Variants in TRMT44 observed in about 807,000 individuals in gnomAD.
The protein encoded by TRMT44 is tRNA methyltransferase 44 homolog, also known as probable tRNA (uracil-O(2)-)-methyltransferase.
In TRMT44, 78 loss-of-function variants were observed where a neutral mutation model predicts 77.3. The observed-to-expected ratio is 1.01, with a 90% CI of 0.84 to 1.22. The LOEUF is 1.22. Among genes scored for constraint, TRMT44 ranks in the 50% most tolerant of loss-of-function variants. The pLI is 0.00. For missense variants in TRMT44, 1,090 were observed against 964.4 expected, an observed-to-expected ratio of 1.13 and a Z score of -1.73; for synonymous variants, 391 against 383.3, an observed-to-expected ratio of 1.02 and a Z score of -0.23.
At chr4:8,488,681 T>C (rs1018050759) in intron 2 of TRMT44, among the ~76,000 whole-genome samples, 1 of 152,236 alleles carries the variant, frequency 6.6e-6, no homozygotes, top group Non-Finnish European at 1.5e-5. Context: ...GGGGATGCGA[T>C]GGCTTGGCTT....
chr4:8,508,019 GC>G, the TRMT44 span, among the ~76,000 whole-genome samples: 1 of 152,220 alleles, frequency 6.6e-6, no homozygotes. Context: ...TGATTCTCCT[GC>G]CTCAGCCTCC....
chr4:8,510,402 C>G, the TRMT44 span: 1 of 152,832 alleles, frequency 6.5e-6, no homozygotes, highest in Admixed American at 6.5e-5. Flanking sequence ...ACTGAAGGCC[C>G]CTGTGATCAC....
intron 2 of TRMT44, among the ~76,000 whole-genome samples, chr4:8,447,394 A>G (rs1725121278): frequency 6.6e-6 from 1 of 152,252 alleles, no homozygotes; most frequent in Non-Finnish European, 1.5e-5. Context: ...ATGACTTGTC[A>G]GCTGATATTT....
chr4:8,485,967 A>G (rs1727790659), intron 2 of TRMT44, among the ~76,000 whole-genome samples: 1 of 152,178 alleles, frequency 6.6e-6, no homozygotes, highest in Non-Finnish European at 1.5e-5. Context: ...CTTACCCTCC[A>G]CTGTGAGAGT....
At chr4:8,493,397 C>T (rs775043269) in exon 3 of TRMT44, 6 of 152,158 alleles carry the variant, frequency 3.9e-5, no homozygotes, top group East Asian at 1.9e-4. Flanking sequence ...ATCTTGGACC[C>T]GACCAATCAG....
chr4:8,471,175 C>A lies in TRMT44; in HGVS notation c.2019C>A (p.Leu673=). The change falls in exon 10 of 11, where the codon CTC becomes CTA. Residue 673 remains leucine (L), a synonymous_variant. Transcript: ENST00000389737. ...AGTGTGGGGGCCTGCAGACGCTGCT[C>A]CGGAACAGCCACCAGGTGTTCCAAG... ...KRECGGLQTL[L]RNSHQVFQVV... is the part of the protein sequence containing the mutation. 1 of 1,604,890 alleles carries A rather than the reference C, an allele frequency of 6.2e-7. No homozygotes were observed. The highest frequency in any genetic ancestry group is 1.1e-5 in the South Asian group (1 of 89,880).
chr4:8,456,034 T>C (rs1725788917), intron 6 of TRMT44, among the ~76,000 whole-genome samples: 1 of 152,250 alleles, frequency 6.6e-6, no homozygotes, highest in Non-Finnish European at 1.5e-5. Context: ...AAATCTATTA[T>C]AAGAAGTTAA....
the TRMT44 span, among the ~76,000 whole-genome samples, chr4:8,516,024 G>A: frequency 2.6e-5 from 4 of 152,132 alleles, no homozygotes; most frequent in South Asian, 2.1e-4. Flanking sequence ...TCTCCCCCAC[G>A]ACAAGATGGA....
At chr4:8,450,657 TC>T (rs1236021923) in intron 3 of TRMT44, among the ~76,000 whole-genome samples, 1 of 152,094 alleles carries the variant, frequency 6.6e-6, no homozygotes, top group African/African-American at 2.4e-5. Context: ...GGGGGCGGGT[TC>T]CCCCAATACA....
chr4:8,476,017 G>A lies in TRMT44; in HGVS notation c.*16G>A, dbSNP rs774528658. 5 of 1,610,528 alleles carry A rather than the reference G, an allele frequency of 3.1e-6. No individual in the cohort carries two copies. The East Asian group carries it at 6.7e-5, about 22-fold the overall frequency. On this transcript the variant is annotated 3_prime_UTR_variant, in exon 11 of 11. Transcript: ENST00000389737. ...GATTTCATGAGCTGCATCCTTGCCAGCCGAGGCCTGGTTGGGGAGGCCAAA... is the reference window on the plus strand; with the variant it reads ...GATTTCATGAGCTGCATCCTTGCCAACCGAGGCCTGGTTGGGGAGGCCAAA...
At chr4:8,482,156 G>C (rs760212961) in intron 2 of TRMT44, 1 of 152,088 alleles carries the variant, frequency 6.6e-6, no homozygotes, top group Non-Finnish European at 1.5e-5. Context: ...TCAGCTCTGC[G>C]TCCCTCTTCC....
chr4:8,486,363 A>C (rs1445543998), intron 2 of TRMT44, among the ~76,000 whole-genome samples: 1 of 152,218 alleles, frequency 6.6e-6, no homozygotes, highest in Non-Finnish European at 1.5e-5. Flanking sequence ...AAGGAATTGC[A>C]ACTCAGGAAT....
chr4:8,486,567 A>G (rs1216780517), intron 2 of TRMT44, among the ~76,000 whole-genome samples: 2 of 151,524 alleles, frequency 1.3e-5, no homozygotes, highest in African/African-American at 2.4e-5. Flanking sequence ...TATTGAGAAT[A>G]GACGGCCTTC....
At chr4:8,441,997 C>G (rs1357592977) in intron 1 of TRMT44, among the ~76,000 whole-genome samples, 2 of 152,232 alleles carry the variant, frequency 1.3e-5, no homozygotes, top group African/African-American at 2.4e-5. Context: ...AATGAATCTC[C>G]TTTGTGCTCA....
At chr4:8,503,483 C>T in the TRMT44 span, among the ~76,000 whole-genome samples, 2 of 152,200 alleles carry the variant, frequency 1.3e-5, no homozygotes, top group Admixed American at 1.3e-4. Flanking sequence ...AGGGACACAG[C>T]ACTCGGTCCC....
chr4:8,440,998 C>T lies in TRMT44; in HGVS notation c.176C>T (p.Pro59Leu). ...CTGCCCTGCGCGGAGGCCCGCGGCCCCGGGACTAGCGCAGGCTCGGAGCAG... is the reference window on the plus strand; with the variant it reads ...CTGCCCTGCGCGGAGGCCCGCGGCCTCGGGACTAGCGCAGGCTCGGAGCAG... ...AALPCAEARGPGTSAGSEQKE... is the reference protein window; with the variant it reads ...AALPCAEARGLGTSAGSEQKE... Residue 59 changes from proline (P) to leucine (L), a missense_variant, in exon 1 of 11, where the codon CCC becomes CTC. Physicochemically the swap from Pro to Leu is moderately conservative, Grantham distance 98. Coordinates refer to ENST00000389737, the MANE Select transcript of TRMT44 (RefSeq NM_152544.3). 6.6e-7 allele frequency: 1 copy of T among 1,520,172 alleles called. No individual in the cohort carries two copies. The highest frequency in any genetic ancestry group is 1.2e-5 in the South Asian group (1 of 81,860). 94.2% of individuals were successfully genotyped at this position (1,520,172 alleles called of 1,614,324 possible).
At chr4:8,457,020 C>G (rs888159292) in intron 6 of TRMT44, among the ~76,000 whole-genome samples, 1 of 12,122 alleles carries the variant, frequency 8.2e-5, no homozygotes, top group African/African-American at 7.8e-4. Context: ...GACACCCGCC[C>G]CCCCCCCCCA....
chr4:8,478,511 TCCA>T (rs1162512670), downstream of TRMT44: 1 of 152,522 alleles, frequency 6.6e-6, no homozygotes, highest in Non-Finnish European at 1.5e-5. Context: ...TGTGCCCCTG[TCCA>T]CAGGTCATGT....
chr4:8,469,799 C>T (rs1405034728), intron 9 of TRMT44, among the ~76,000 whole-genome samples: 3 of 152,266 alleles, frequency 2.0e-5, no homozygotes, highest in African/African-American at 7.2e-5. Flanking sequence ...CCACAGGCGG[C>T]CTTCAGGGCC....
Sources: allele counts gnomAD v4.1 joint callset (sites outside exome capture counted in the v4.1 genomes callset), GRCh38; gene constraint gnomAD v4.1.1; transcripts MANE v1.5; gene names NCBI Gene and HGNC (gene_info 2026-07-23, HGNC 2026-07-21).